The following PYGB variants were observed in gnomAD, a reference collection of about 807,000 sequenced individuals.
PYGB encodes glycogen phosphorylase B.
PYGB carries 82 observed loss-of-function variants against 94.3 expected under a neutral mutation model. The observed-to-expected ratio is 0.87, with a 90% confidence interval of 0.73 to 1.04. The LOEUF (loss-of-function observed/expected upper bound fraction) is 1.04, where lower values mean the gene tolerates loss of function less well. Ranked by LOEUF, PYGB falls within the 50% of genes least tolerant of loss-of-function variation. The probability of loss-of-function intolerance (pLI) is 0.00; values close to 1 mark genes in which losing one functional copy is unlikely to be tolerated. For missense variants in PYGB, 1,132 were observed against 1,158.2 expected, an observed-to-expected ratio of 0.98 and a Z score of 0.33; for synonymous variants, 488 against 479.1, an observed-to-expected ratio of 1.02 and a Z score of -0.24.
intron 2 of PYGB, among the ~76,000 whole-genome samples, chr20:25,267,142 T>C (rs1386808706): frequency 1.3e-5 from 2 of 152,176 alleles, no homozygotes; most frequent in Non-Finnish European, 2.9e-5. Context: ...TACAATGGAA[T>C]AGTACACAGC....
Position 25,296,441 on chromosome 20 carries a change from C to T in PYGB, c.2451C>T (p.Thr817=). 6.2e-7 allele frequency: 1 copy of T among 1,614,030 alleles called. No homozygotes were observed. ...ACSGKFSSDR[T]ITEYAREIWG... ...CGGGCAAGTTCTCCAGTGACCGGAC[C>T]ATCACGGAGTATGCACGGGAGATCT... The change falls in exon 20 of 20, where the codon ACC becomes ACT. Residue 817 remains threonine, a synonymous_variant. Transcript: ENST00000216962.
rs765563930 is a variant in PYGB, at chr20:25,278,338, T to C, written c.875T>C (p.Leu292Pro). ...PNDNFFEGKELRLKQEYFVVA... is the reference protein window; with the variant it reads ...PNDNFFEGKEPRLKQEYFVVA... Reference sequence around the variant, plus strand: ...GTGCAGTTCTTTGAGGGGAAGGAGCTGCGGCTGAAGCAGGAGTACTTCGTG... The same window carrying C: ...GTGCAGTTCTTTGAGGGGAAGGAGCCGCGGCTGAAGCAGGAGTACTTCGTG... The change falls in exon 8 of 20, where the codon CTG (leucine) becomes CCG (proline). Residue 292 changes from leucine to proline, a missense_variant. Transcript: ENST00000216962. 6.3e-7 allele frequency: 1 copy of C among 1,595,734 alleles called. No homozygotes were observed. The highest frequency in any genetic ancestry group is 8.5e-7 in the Non-Finnish European group (1 of 1,174,048).
chr20:25,255,736 CTTT>C (rs777407638), intron 1 of PYGB, among the ~76,000 whole-genome samples: 5 of 145,128 alleles, frequency 3.4e-5, no homozygotes, highest in African/African-American at 7.5e-5. Context: ...CCGCCCAACT[CTTT>C]TTTTTTTTTT....
chr20:25,268,270 T>C (rs2088237177), intron 2 of PYGB, among the ~76,000 whole-genome samples: 1 of 150,246 alleles, frequency 6.7e-6, no homozygotes, highest in South Asian at 2.1e-4. Context: ...ATCAAATTAC[T>C]GTATGTGTCA....
Position 25,283,241 on chromosome 20 carries a change from C to T in PYGB, c.1584C>T (p.Asp528=), listed in dbSNP as rs201827536. The change falls in exon 13 of 20, where the codon GAC becomes GAT. Residue 528 remains aspartate (D), a synonymous_variant. Transcript: ENST00000216962. ...AGAAGCTGCTGCCGCTGGTCAGTGACGAGGTGTTCATCAGGGACGTGGCCA... is the reference window on the plus strand; with the variant it reads ...AGAAGCTGCTGCCGCTGGTCAGTGATGAGGTGTTCATCAGGGACGTGGCCA... The part of the protein sequence containing the change: ...QLKKLLPLVS[D]EVFIRDVAKV... The T allele has an allele frequency of 1.5e-5, 25 of 1,613,850 alleles. No homozygotes were observed. Among genetic ancestry groups the T allele is most frequent in the African/African-American group, 6.7e-5 (5 of 75,034 alleles).
chr20:25,294,674 T>A, intron 18 of PYGB: 1 of 580,488 alleles, frequency 1.7e-6, no homozygotes. Flanking sequence ...GCACAAGGGC[T>A]GCGGAACCGC....
intron 12 of PYGB, among the ~76,000 whole-genome samples, 158 bp downstream of exon 12, chr20:25,282,305 T>A (rs2088375561): frequency 6.6e-6 from 1 of 152,182 alleles, no homozygotes; most frequent in South Asian, 2.1e-4. Flanking sequence ...CCCCTGAACA[T>A]GGGCGCTGAG....
chr20:25,282,054 G>A lies in PYGB; in HGVS notation c.1425G>A (p.Leu475=). Residue 475 remains leucine, a synonymous_variant, in exon 12 of 20, where the codon CTG becomes CTA. Coordinates refer to ENST00000216962, the MANE Select transcript of PYGB (RefSeq NM_002862.4). ...KQSVFKDFYE[L]EPEKFQNKTN... is the part of the protein sequence containing the mutation. ...GCAGCTTTAAGGATTTTTATGAACTGGAGCCAGAGAAGTTCCAGAATAAGA... is the reference window on the plus strand; with the variant it reads ...GCAGCTTTAAGGATTTTTATGAACTAGAGCCAGAGAAGTTCCAGAATAAGA... The A allele has an allele frequency of 1.2e-6, 2 of 1,613,864 alleles. No individual in the cohort carries two copies. Among genetic ancestry groups the A allele is most frequent in the Non-Finnish European group, 1.7e-6 (2 of 1,179,712 alleles).
intron 2 of PYGB, among the ~76,000 whole-genome samples, chr20:25,264,337 A>C (rs1244367305): frequency 6.6e-6 from 1 of 152,126 alleles, no homozygotes; most frequent in Non-Finnish European, 1.5e-5. Flanking sequence ...ATGGGCAAAA[A>C]CTGCAAGCAT....
intron 15 of PYGB, chr20:25,289,831 C>T (rs779612286): frequency 7.5e-6 from 4 of 533,434 alleles, no homozygotes; most frequent in Admixed American, 5.8e-5. Flanking sequence ...TCCACCAGAA[C>T]CACAATGGGA....
At chr20:25,279,282 C>G in intron 9 of PYGB, 133 bp downstream of exon 9, 1 of 953,636 alleles carries the variant, frequency 1.0e-6, no homozygotes. Flanking sequence ...CCAGGAGAGA[C>G]GCGAGCTGTG....
At position 25,290,665 on chromosome 20, in the gene PYGB, C is replaced by T. The variant is rs755299616; in HGVS notation, c.1969+43C>T. 33 of 1,583,770 alleles carry T rather than the reference C, an allele frequency of 2.1e-5. No homozygotes were observed. The Admixed American group carries it at 3.0e-4, about 14-fold the overall frequency. ...TGTTGGACAGAAAACTCACTCCTGC[C>T]GGGGAACGGGCGTTGTACTGGCCCC... On this transcript the variant is annotated intron_variant, in intron 16 of 19. Coordinates refer to ENST00000216962, the MANE Select transcript of PYGB (RefSeq NM_002862.4).
At chr20:25,288,835 T>C (rs182911431) in intron 15 of PYGB, among the ~76,000 whole-genome samples, 2 of 152,304 alleles carry the variant, frequency 1.3e-5, no homozygotes, top group East Asian at 3.9e-4. Context: ...CATTGCCTGG[T>C]TTCAGTTCAC....
Position 25,248,228 on chromosome 20 carries a change from G to A in PYGB, c.50G>A (p.Arg17His). 1 of 1,596,376 alleles carries A rather than the reference G, an allele frequency of 6.3e-7. No individual in the cohort carries two copies. Among genetic ancestry groups the A allele is most frequent in the Non-Finnish European group, 8.5e-7 (1 of 1,172,212 alleles). Residue 17 changes from arginine (R) to histidine (H), a missense_variant, in exon 1 of 20, where the codon CGC becomes CAC. Coordinates refer to ENST00000216962, the MANE Select transcript of PYGB (RefSeq NM_002862.4). The stretch of plus-strand genomic sequence containing the variant: ...GAGAAGCGGAAGCAGATCAGCGTGC[G>A]CGGCCTGGCGGGGCTAGGCGACGTG... Reference protein sequence around the residue: ...DSEKRKQISVRGLAGLGDVAE... With the variant: ...DSEKRKQISVHGLAGLGDVAE...
chr20:25,292,934 C>G (rs995030701), intron 17 of PYGB, among the ~76,000 whole-genome samples: 9 of 151,816 alleles, frequency 5.9e-5, no homozygotes, highest in Non-Finnish European at 1.2e-4. Flanking sequence ...CCTAGAGGGA[C>G]ACCCCCTGGG....
chr20:25,296,223 C>A, intron 19 of PYGB, 147 bp from the exon 20 acceptor site: 1 of 988,566 alleles, frequency 1.0e-6, no homozygotes. Flanking sequence ...TTTCAACGAA[C>A]AAGTGATTGT....
In PYGB at chr20:25,296,922, G is replaced by A. The variant is rs982415926; in HGVS notation, c.*400G>A. 1.1e-5 allele frequency: 2 copies of A among 177,238 alleles called. No individual in the cohort carries two copies. The highest frequency in any genetic ancestry group is 2.4e-5 in the Non-Finnish European group (2 of 83,290). 11.0% of individuals were successfully genotyped at this position (177,238 alleles called of 1,614,324 possible). A position where few individuals can be genotyped will look rare whatever the true frequency, so the allele number is the denominator to read the frequency against. On this transcript the variant is annotated 3_prime_UTR_variant, in exon 20 of 20. Transcript: ENST00000216962. ...GGTCTGGGCCAGTGGCCATAGTGAA[G>A]CCTGGGAATGAGTGTTACTGCAGCA...
At chr20:25,289,286 T>C (rs2088444887) in intron 15 of PYGB, among the ~76,000 whole-genome samples, 1 of 152,252 alleles carries the variant, frequency 6.6e-6, no homozygotes, top group African/African-American at 2.4e-5. Flanking sequence ...TGTCATTTTA[T>C]TTGTCAGTAT....
intron 16 of PYGB, 53 bp downstream of exon 16, chr20:25,290,675 G>A: frequency 6.3e-7 from 1 of 1,582,238 alleles, no homozygotes; most frequent in Admixed American, 1.7e-5. Flanking sequence ...CGGGGAACGG[G>A]CGTTGTACTG....
Sources: allele counts gnomAD v4.1 joint callset (sites outside exome capture counted in the v4.1 genomes callset), GRCh38; gene constraint gnomAD v4.1.1; transcripts MANE v1.5; gene names NCBI Gene and HGNC (gene_info 2026-07-23, HGNC 2026-07-21).